Variants in PEX5L observed in about 807,000 individuals in gnomAD.
The protein encoded by PEX5L is PEX5-related protein.
PEX5L carries 30 observed loss-of-function variants against 84.0 expected under a neutral mutation model. That is an observed-to-expected ratio of 0.36 (90% CI 0.27 to 0.48). The LOEUF is 0.48. Among genes scored for constraint, PEX5L ranks in the 20% least tolerant of loss-of-function variants. The probability of loss-of-function intolerance (pLI) is 0.99; values close to 1 mark genes in which losing one functional copy is unlikely to be tolerated. For missense variants in PEX5L, 533 were observed against 754.6 expected, an observed-to-expected ratio of 0.71 and a Z score of 3.44; for synonymous variants, 270 against 283.1, an observed-to-expected ratio of 0.95 and a Z score of 0.46.
At position 179,828,783 on chromosome 3, in the gene PEX5L, T is replaced by A. The variant is rs560874370; in HGVS notation, c.823-8807A>T. 4.1e-4 allele frequency among the ~76,000 whole-genome samples: 63 copies of A among 152,296 alleles called. 2 individuals carry two copies. The highest frequency in any genetic ancestry group is 3.4e-3 in the Middle Eastern group (1 of 294). On this transcript the variant is annotated intron_variant, in intron 8 of 14. Coordinates refer to ENST00000467460, the MANE Select transcript of PEX5L (RefSeq NM_016559.3). ...GAGACCTTTGGTGGGCTAATTTTTG[T>A]GTATCCTGCGACCAGCTTTCAGGAA...
chr3:179,807,252 C>T (rs996237419), intron 14 of PEX5L, among the ~76,000 whole-genome samples: 4 of 141,984 alleles, frequency 2.8e-5, no homozygotes, highest in Non-Finnish European at 1.5e-5. Flanking sequence ...GATTCTGGGA[C>T]TTTCTGAAAG....
intron 2 of PEX5L, among the ~76,000 whole-genome samples, chr3:179,900,459 C>T (rs1398353733): frequency 6.6e-6 from 1 of 152,098 alleles, no homozygotes; most frequent in African/African-American, 2.4e-5. Flanking sequence ...TGAAATGCTA[C>T]CAATCCATAA....
chr3:179,833,793 A>C (rs1364859649), intron 8 of PEX5L, among the ~76,000 whole-genome samples: 1 of 152,106 alleles, frequency 6.6e-6, no homozygotes, highest in Non-Finnish European at 1.5e-5. Flanking sequence ...AAGGAATGGT[A>C]AAGTCTCTCT....
At chr3:180,007,938 G>C (rs1008078741) in intron 1 of PEX5L, among the ~76,000 whole-genome samples, 6 of 152,200 alleles carry the variant, frequency 3.9e-5, no homozygotes, top group African/African-American at 1.4e-4. Context: ...TCTCTGACAT[G>C]GCCTGGAGAC....
chr3:179,831,693 G>T lies in PEX5L; in HGVS notation c.823-11717C>A, dbSNP rs537882944. Among the ~76,000 whole-genome samples, 4 of 152,296 alleles carry T rather than the reference G, an allele frequency of 2.6e-5. No individual in the cohort carries two copies. The South Asian group carries it at 8.3e-4, about 32-fold the overall frequency. ...CCAACCTAGACTTAGGAGTTCAGGA[G>T]TCTTCTTGGAAGCAGATAACACCCA... On this transcript the variant is annotated intron_variant, in intron 8 of 14. Coordinates refer to ENST00000467460, the MANE Select transcript of PEX5L (RefSeq NM_016559.3).
intron 1 of PEX5L, among the ~76,000 whole-genome samples, chr3:180,035,031 T>A (rs1316086223): frequency 6.6e-6 from 1 of 152,194 alleles, no homozygotes; most frequent in Non-Finnish European, 1.5e-5. Flanking sequence ...ACATATTTTT[T>A]AAGCAACAAA....
At chr3:179,913,086 T>C (rs534729945) in intron 2 of PEX5L, among the ~76,000 whole-genome samples, 7 of 152,180 alleles carry the variant, frequency 4.6e-5, no homozygotes, top group Admixed American at 4.6e-4. Context: ...TTAGTCAGTC[T>C]TGAAGAGATG....
chr3:179,879,369 C>A (rs996346739), intron 5 of PEX5L, among the ~76,000 whole-genome samples: 2 of 152,142 alleles, frequency 1.3e-5, no homozygotes, highest in African/African-American at 4.8e-5. Flanking sequence ...AGATCTTGGG[C>A]AAATTGCTTA....
chr3:179,979,211 T>C (rs1028228380), intron 1 of PEX5L, among the ~76,000 whole-genome samples: 4 of 151,374 alleles, frequency 2.6e-5, no homozygotes, highest in Non-Finnish European at 5.9e-5. Context: ...GTAAATTCAT[T>C]TTAATCCTCT....
rs79785095 is a variant in PEX5L, at chr3:179,804,751, A to G, written c.1677-2719T>C. ...TCGCTTCCTTTTGAGCTCTTTCTCT[A>G]TTGAGGGTTGTTATTTCCTGAGTAT... is the stretch of plus-strand genomic sequence containing the variant. On this transcript the variant is annotated intron_variant, in intron 14 of 14. Coordinates refer to ENST00000467460, the MANE Select transcript of PEX5L (RefSeq NM_016559.3). Among the ~76,000 whole-genome samples the G allele has an allele frequency of 1.8e-3, 273 of 152,296 alleles. 2 individuals carry two copies. Among genetic ancestry groups the G allele is most frequent in the African/African-American group, 6.3e-3 (263 of 41,542 alleles).
chr3:179,802,342 C>T (rs552334523), intron 14 of PEX5L, among the ~76,000 whole-genome samples: 47 of 151,970 alleles, frequency 3.1e-4, no homozygotes, highest in African/African-American at 1.1e-3. Context: ...CAAGATCAGC[C>T]TGGCCAACAT....
intron 8 of PEX5L, among the ~76,000 whole-genome samples, chr3:179,840,469 G>A (rs747779639): frequency 1.4e-4 from 22 of 152,076 alleles, no homozygotes; most frequent in Non-Finnish European, 2.5e-4. Flanking sequence ...GCTTACAGAT[G>A]TGACCCACCG....
intron 13 of PEX5L, 113 bp from the exon 14 acceptor site, chr3:179,807,944 G>A (rs1560167723): frequency 1.1e-6 from 1 of 939,218 alleles, no homozygotes; most frequent in East Asian, 2.4e-5. Flanking sequence ...CAGTGCTCAT[G>A]GATGGAGACC....
intron 1 of PEX5L, among the ~76,000 whole-genome samples, chr3:180,028,205 A>G (rs1182015873): frequency 1.3e-5 from 2 of 152,122 alleles, no homozygotes; most frequent in Non-Finnish European, 2.9e-5. Flanking sequence ...TACTCTGGAG[A>G]TTGCAAAATG....
At chr3:179,949,762 C>T (rs1326612540) in intron 2 of PEX5L, among the ~76,000 whole-genome samples, 4 of 152,100 alleles carry the variant, frequency 2.6e-5, no homozygotes, top group Admixed American at 6.5e-5. Flanking sequence ...GAAATAATCT[C>T]GTGATTATGG....
chr3:179,817,265 A>G (rs1726516639), intron 9 of PEX5L, among the ~76,000 whole-genome samples: 3 of 152,220 alleles, frequency 2.0e-5, no homozygotes, highest in African/African-American at 4.8e-5. Flanking sequence ...GGTATTTTCT[A>G]TGAGCATATA....
Position 179,808,424 on chromosome 3 carries a change from C to A in PEX5L, c.1366G>T (p.Gly456Trp), listed in dbSNP as rs746988925. ...GCTTCCAGATATAATTCCTTCACCC[C>A]TTCCAGAACAGAGCTACAAGAGAAA... ...KSPVDSSVLE[G>W]VKELYLEAAH... The change falls in exon 13 of 15, where the codon GGG (glycine) becomes TGG (tryptophan). Residue 456 changes from glycine to tryptophan, a missense_variant. Transcript: ENST00000467460. The A allele has an allele frequency of 1.3e-6, 2 of 1,525,374 alleles. No homozygotes were observed. Among genetic ancestry groups the A allele is most frequent in the Non-Finnish European group, 1.8e-6 (2 of 1,139,078 alleles). 94.5% of individuals were successfully genotyped at this position (1,525,374 alleles called of 1,614,324 possible).
intron 2 of PEX5L, among the ~76,000 whole-genome samples, chr3:179,953,492 G>T (rs959402261): frequency 6.6e-6 from 1 of 152,142 alleles, no homozygotes; most frequent in Non-Finnish European, 1.5e-5. Context: ...TTCTGCTGCT[G>T]ATACCATTCA....
chr3:179,890,058 A>G (rs1757131742), intron 3 of PEX5L, among the ~76,000 whole-genome samples: 1 of 152,204 alleles, frequency 6.6e-6, no homozygotes, highest in Admixed American at 6.5e-5. Context: ...TCCAAACTGT[A>G]CATATGTAAC....
Sources: allele counts gnomAD v4.1 joint callset (sites outside exome capture counted in the v4.1 genomes callset), GRCh38; gene constraint gnomAD v4.1.1; transcripts MANE v1.5; gene names NCBI Gene and HGNC (gene_info 2026-07-23, HGNC 2026-07-21).